The following GRM5 variants were observed in gnomAD, a reference collection of about 807,000 sequenced individuals.
GRM5 encodes the protein glutamate metabotropic receptor 5.
Under a neutral mutation model 83.1 loss-of-function variants are expected in GRM5, and 19 were observed. The ratio of observed to expected loss-of-function variants is 0.23; its 90% CI spans 0.16 to 0.34. The LOEUF is 0.34. Ranked by LOEUF, GRM5 falls within the 10% of genes least tolerant of loss-of-function variation. GRM5 has a pLI of 1.00. For synonymous variants in GRM5, 675 were observed against 633.6 expected, an observed-to-expected ratio of 1.07 and a Z score of -0.98; for missense variants, 1,160 against 1,588.3, an observed-to-expected ratio of 0.73 and a Z score of 4.58.
intron 3 of GRM5, among the ~76,000 whole-genome samples, chr11:88,843,721 C>T (rs1344250233): frequency 6.6e-6 from 1 of 152,082 alleles, no homozygotes; most frequent in Non-Finnish European, 1.5e-5. Flanking sequence ...AAAAATTAGG[C>T]CTGTTGCAAA....
intron 2 of GRM5, among the ~76,000 whole-genome samples, chr11:88,936,281 G>C (rs954307147): frequency 6.6e-6 from 1 of 151,798 alleles, no homozygotes; most frequent in Non-Finnish European, 1.5e-5. Flanking sequence ...TTTAAATAAA[G>C]GCCTAGAATT....
chr11:88,969,844 C>G (rs1939113562), intron 2 of GRM5, among the ~76,000 whole-genome samples: 1 of 152,080 alleles, frequency 6.6e-6, no homozygotes, highest in African/African-American at 2.4e-5. Context: ...ATTTCCATGA[C>G]TGTCTTCATA....
intron 9 of GRM5, among the ~76,000 whole-genome samples, chr11:88,515,994 C>G: frequency 6.6e-6 from 1 of 152,106 alleles, no homozygotes; most frequent in East Asian, 1.9e-4. Flanking sequence ...TCATATTTTA[C>G]CTTCATAACA....
chr11:88,584,516 C>T lies in GRM5; in HGVS notation c.1690+6085G>A, dbSNP rs113029854. On this transcript the variant is annotated intron_variant, in intron 7 of 9. Coordinates refer to ENST00000305447, the MANE Select transcript of GRM5 (RefSeq NM_001143831.3). ...TGGCATGATCTCCACTCACTGCAACCTCTGCCTCCTAAGTTTCCCAGGTTC... is the reference window on the plus strand; with the variant it reads ...TGGCATGATCTCCACTCACTGCAACTTCTGCCTCCTAAGTTTCCCAGGTTC... 2.6e-3 allele frequency among the ~76,000 whole-genome samples: 395 copies of T among 152,268 alleles called. 5 individuals carry two copies. The highest frequency in any genetic ancestry group is 9.0e-3 in the African/African-American group (374 of 41,544).
At chr11:88,899,688 G>GA (rs1249296782) in intron 2 of GRM5, among the ~76,000 whole-genome samples, 86 of 150,520 alleles carry the variant, frequency 5.7e-4, no homozygotes, top group African/African-American at 1.5e-3. Flanking sequence ...GTATTATCCT[G>GA]AAAAAAAAAT....
chr11:89,061,043 C>G (rs1451339590), intron 1 of GRM5, among the ~76,000 whole-genome samples: 2 of 151,978 alleles, frequency 1.3e-5, no homozygotes, highest in Non-Finnish European at 2.9e-5. Flanking sequence ...TCAATATATC[C>G]AACCTCTAAA....
rs371290594 is a variant in GRM5 at position 88,867,012 on chromosome 11, T to C, written c.662-16857A>G. On this transcript the variant is annotated intron_variant, in intron 2 of 9. Coordinates refer to ENST00000305447, the MANE Select transcript of GRM5 (RefSeq NM_001143831.3). ...GTCAGGTTTGTCAAAGATCAGGTGG[T>C]TGTAGGTTTGTGGTGTTATTTCTGA... Among the ~76,000 whole-genome samples, 23 of 151,812 alleles carry C rather than the reference T, an allele frequency of 1.5e-4. No individual in the cohort carries two copies. The Middle Eastern group carries it at 0.017, about 112-fold the overall frequency.
At chr11:89,042,177 G>A (rs1941551404) in intron 2 of GRM5, among the ~76,000 whole-genome samples, 1 of 152,032 alleles carries the variant, frequency 6.6e-6, no homozygotes, top group Non-Finnish European at 1.5e-5. Context: ...ATTTTTAGAT[G>A]AATTATTTCA....
chr11:88,659,137 C>G (rs1207312610), intron 3 of GRM5, among the ~76,000 whole-genome samples: 4 of 152,086 alleles, frequency 2.6e-5, no homozygotes, highest in African/African-American at 4.8e-5. Flanking sequence ...GTAGAACCTC[C>G]AAACTTGTGG....
intron 2 of GRM5, among the ~76,000 whole-genome samples, chr11:88,892,007 C>G (rs371429022): frequency 7.2e-5 from 11 of 152,004 alleles, no homozygotes; most frequent in East Asian, 3.9e-4. Context: ...CTATGTGCAG[C>G]CTTTAATAAT....
chr11:88,591,744 T>C (rs1449079350), intron 6 of GRM5, among the ~76,000 whole-genome samples: 1 of 152,206 alleles, frequency 6.6e-6, no homozygotes, highest in Non-Finnish European at 1.5e-5. Flanking sequence ...CTCTTAAAAC[T>C]ACAAAAATAC....
chr11:88,991,222 G>C (rs1167274314), intron 2 of GRM5, among the ~76,000 whole-genome samples: 3 of 151,986 alleles, frequency 2.0e-5, no homozygotes, highest in Non-Finnish European at 4.4e-5. Context: ...ACCAACAACA[G>C]ACAAACAGAG....
chr11:88,799,113 T>A (rs1943340783), intron 3 of GRM5, among the ~76,000 whole-genome samples: 1 of 152,120 alleles, frequency 6.6e-6, no homozygotes, highest in Admixed American at 6.6e-5. Flanking sequence ...GTACATGGCC[T>A]TCAACTTAAA....
intron 3 of GRM5, among the ~76,000 whole-genome samples, chr11:88,689,851 C>T (rs11020962): frequency 0.15 from 22,095 of 152,174 alleles, 2,017 homozygotes; most frequent in Middle Eastern, 0.21. Context: ...CTATCTAAGA[C>T]TAAGCCAGGG....
At chr11:88,643,960 C>G (rs532700511) in intron 4 of GRM5, among the ~76,000 whole-genome samples, 1 of 152,130 alleles carries the variant, frequency 6.6e-6, no homozygotes, top group Non-Finnish European at 1.5e-5. Flanking sequence ...GTAGACAACT[C>G]TAGATTGAAA....
intron 2 of GRM5, among the ~76,000 whole-genome samples, chr11:88,886,193 T>C (rs1945041608): frequency 6.6e-6 from 1 of 152,180 alleles, no homozygotes; most frequent in African/African-American, 2.4e-5. Context: ...TCTCTTCTCT[T>C]CGGCCTATTA....
chr11:88,910,957 C>CAT (rs199746425), intron 2 of GRM5, among the ~76,000 whole-genome samples: 1 of 151,894 alleles, frequency 6.6e-6, no homozygotes, highest in African/African-American at 2.4e-5. Context: ...GGAACAAAAA[C>CAT]AAATCCAAAG....
intron 4 of GRM5, among the ~76,000 whole-genome samples, chr11:88,650,276 CTTCTGTT>C (rs1421258389): frequency 6.6e-6 from 1 of 151,898 alleles, no homozygotes; most frequent in East Asian, 1.9e-4. Flanking sequence ...AAAAGCCAAA[CTTCTGTT>C]TTGTCAATTT....
chr11:88,879,056 T>C (rs1028910441), intron 2 of GRM5, among the ~76,000 whole-genome samples: 9 of 152,052 alleles, frequency 5.9e-5, no homozygotes, highest in Admixed American at 4.6e-4. Flanking sequence ...TTTCAAAAAG[T>C]GGATTTTGTT....
Sources: allele counts gnomAD v4.1 joint callset (sites outside exome capture counted in the v4.1 genomes callset), GRCh38; gene constraint gnomAD v4.1.1; transcripts MANE v1.5; gene names NCBI Gene and HGNC (gene_info 2026-07-23, HGNC 2026-07-21).